Variants in PTPRD observed in about 807,000 individuals in gnomAD.
The protein encoded by PTPRD is protein tyrosine phosphatase receptor type D.
Under a neutral mutation model 214.5 loss-of-function variants are expected in PTPRD, and 34 were observed. The ratio of observed to expected loss-of-function variants is 0.16; its 90% CI spans 0.12 to 0.21. PTPRD has a LOEUF of 0.21. Among genes scored for constraint, PTPRD ranks in the 10% least tolerant of loss-of-function variants. PTPRD has a pLI of 1.00. For missense variants in PTPRD, 2,545 were observed against 2,398.7 expected (o/e 1.06, Z -1.27); for synonymous variants, 1,128 against 845.7 (o/e 1.33, Z -5.79).
Position 9,819,665 on chromosome 9 carries a change from T to A in PTPRD, c.-367-52814A>T, listed in dbSNP as rs377197705. Among the ~76,000 whole-genome samples, 18 of 152,190 alleles carry A rather than the reference T, an allele frequency of 1.2e-4. No individual in the cohort carries two copies. In the East Asian group the frequency reaches 2.3e-3, roughly 20 times the overall value. ...GTTTTTCATCCCTTGTCCCCCTCCC[T>A]CTTTCCCTCTTCTAGTAGTCCCCAG... On this transcript the variant is annotated intron_variant, in intron 5 of 45. Coordinates refer to ENST00000381196, the MANE Select transcript of PTPRD (RefSeq NM_002839.4).
At chr9:9,222,736 T>G (rs930855224) in intron 9 of PTPRD, among the ~76,000 whole-genome samples, 12 of 152,146 alleles carry the variant, frequency 7.9e-5, no homozygotes, top group African/African-American at 2.9e-4. Context: ...ACTGAAAATA[T>G]CAATAGATGT....
At chr9:10,123,754 G>A (rs1003299064) in intron 3 of PTPRD, among the ~76,000 whole-genome samples, 4 of 152,206 alleles carry the variant, frequency 2.6e-5, no homozygotes, top group Non-Finnish European at 4.4e-5. Flanking sequence ...CCAAACTGAT[G>A]CTCATGGTGT....
At chr9:9,360,599 A>G (rs2055723737) in intron 9 of PTPRD, among the ~76,000 whole-genome samples, 1 of 151,162 alleles carries the variant, frequency 6.6e-6, no homozygotes, top group South Asian at 2.1e-4. Context: ...CAAGATGTGA[A>G]TTAAGTATAA....
intron 35 of PTPRD, among the ~76,000 whole-genome samples, chr9:8,415,098 C>T (rs1239151466): frequency 6.6e-6 from 1 of 152,102 alleles, no homozygotes; most frequent in African/African-American, 2.4e-5. Context: ...AATTATCTAA[C>T]ACTATTGATG....
intron 12 of PTPRD, among the ~76,000 whole-genome samples, chr9:8,712,978 C>G (rs1308506501): frequency 1.3e-5 from 2 of 152,182 alleles, no homozygotes; most frequent in Non-Finnish European, 2.9e-5. Flanking sequence ...CTCGGCCTCC[C>G]AAAGTGCTGG....
chr9:10,244,400 C>T (rs1564751393), intron 3 of PTPRD, among the ~76,000 whole-genome samples: 1 of 152,120 alleles, frequency 6.6e-6, no homozygotes, highest in African/African-American at 2.4e-5. Flanking sequence ...CTGTTAGACC[C>T]TGGCTGCTGA....
intron 6 of PTPRD, among the ~76,000 whole-genome samples, chr9:9,747,136 A>G (rs1455217855): frequency 6.6e-6 from 1 of 152,182 alleles, no homozygotes; most frequent in Non-Finnish European, 1.5e-5. Flanking sequence ...CTAAAAGAAT[A>G]CAAGTTTTTC....
At chr9:10,289,276 C>T (rs2095459838) in intron 3 of PTPRD, among the ~76,000 whole-genome samples, 1 of 152,034 alleles carries the variant, frequency 6.6e-6, no homozygotes, top group Non-Finnish European at 1.5e-5. Context: ...TGTGTCATTT[C>T]CCCCAATTTA....
intron 11 of PTPRD, among the ~76,000 whole-genome samples, chr9:8,798,656 C>A (rs1017550463): frequency 6.6e-6 from 1 of 152,188 alleles, no homozygotes; most frequent in African/African-American, 2.4e-5. Flanking sequence ...ATCTACTCTA[C>A]GTTAAGTGTT....
intron 44 of PTPRD, among the ~76,000 whole-genome samples, chr9:8,322,305 T>C (rs1174197218): frequency 6.6e-6 from 1 of 152,126 alleles, no homozygotes; most frequent in Non-Finnish European, 1.5e-5. Context: ...ATAATTAAGC[T>C]TAAAGCCCAG....
intron 5 of PTPRD, among the ~76,000 whole-genome samples, chr9:9,923,120 G>GT (rs1566357225): frequency 2.0e-4 from 30 of 146,434 alleles, no homozygotes; most frequent in African/African-American, 7.6e-4. Context: ...TGTGTGTGTG[G>GT]GGGGTGTGTG....
At chr9:10,555,236 G>C (rs1324357271) in intron 2 of PTPRD, among the ~76,000 whole-genome samples, 1 of 152,050 alleles carries the variant, frequency 6.6e-6, no homozygotes, top group African/African-American at 2.4e-5. Flanking sequence ...CTAAAACCAA[G>C]CCTTATATAT....
intron 7 of PTPRD, among the ~76,000 whole-genome samples, chr9:9,603,156 T>A (rs901381388): frequency 6.6e-6 from 1 of 152,116 alleles, no homozygotes; most frequent in Non-Finnish European, 1.5e-5. Context: ...ATAAATTGCA[T>A]AGATAGGGTT....
chr9:9,988,020 T>C (rs1427141538), intron 4 of PTPRD, among the ~76,000 whole-genome samples: 2 of 152,154 alleles, frequency 1.3e-5, no homozygotes, highest in East Asian at 1.9e-4. Context: ...GAGATATCAA[T>C]AACAAAGAAT....
At chr9:9,915,650 C>A (rs542862738) in intron 5 of PTPRD, among the ~76,000 whole-genome samples, 1 of 150,878 alleles carries the variant, frequency 6.6e-6, no homozygotes, top group African/African-American at 2.4e-5. Context: ...AAACAAATTT[C>A]TGACCTTGAA....
At chr9:9,940,250 G>A (rs905285751) in intron 4 of PTPRD, among the ~76,000 whole-genome samples, 2 of 152,064 alleles carry the variant, frequency 1.3e-5, no homozygotes, top group African/African-American at 2.4e-5. Context: ...TAAGATGGCA[G>A]CACAGATGGA....
At chr9:9,754,040 CTGGA>C (rs1304773601) in intron 6 of PTPRD, among the ~76,000 whole-genome samples, 1 of 151,964 alleles carries the variant, frequency 6.6e-6, no homozygotes, top group African/African-American at 2.4e-5. Context: ...CTTCACCAGG[CTGGA>C]TGATCTGAGG....
At chr9:8,443,618 T>G (rs906718385) in intron 34 of PTPRD, among the ~76,000 whole-genome samples, 1 of 152,228 alleles carries the variant, frequency 6.6e-6, no homozygotes, top group Non-Finnish European at 1.5e-5. Flanking sequence ...CATCGAGTTT[T>G]AAATCTCTTT....
chr9:9,213,451 T>C (rs1411628955), intron 9 of PTPRD, among the ~76,000 whole-genome samples: 2 of 152,214 alleles, frequency 1.3e-5, no homozygotes, highest in Non-Finnish European at 2.9e-5. Context: ...CAATACATTG[T>C]AATTAAATAA....
Sources: allele counts gnomAD v4.1 joint callset (sites outside exome capture counted in the v4.1 genomes callset), GRCh38; gene constraint gnomAD v4.1.1; transcripts MANE v1.5; gene names NCBI Gene and HGNC (gene_info 2026-07-23, HGNC 2026-07-21).